Variants in RXRG observed in about 807,000 individuals in gnomAD.
RXRG encodes the protein retinoic acid receptor RXR-gamma.
A neutral mutation model predicts 49.2 loss-of-function variants in RXRG; 19 were observed. The ratio of observed to expected loss-of-function variants is 0.39; its 90% confidence interval spans 0.27 to 0.57. The LOEUF is 0.57. Ranked by LOEUF, RXRG falls within the 20% of genes least tolerant of loss-of-function variation. RXRG has a pLI of 0.64. For synonymous variants in RXRG, 224 were observed against 216.6 expected (o/e 1.03, Z -0.30); for missense variants, 452 against 592.5 (o/e 0.76, Z 2.46).
intron 4 of RXRG, among the ~76,000 whole-genome samples, chr1:165,416,081 G>A (rs1044260675): frequency 6.6e-6 from 1 of 152,158 alleles, no homozygotes; most frequent in Admixed American, 6.5e-5. Context: ...GGGACACAAA[G>A]AGCCCCTCTT....
At chr1:165,417,479 G>A (rs1001532368) in intron 3 of RXRG, among the ~76,000 whole-genome samples, 1 of 152,048 alleles carries the variant, frequency 6.6e-6, no homozygotes, top group African/African-American at 2.4e-5. Flanking sequence ...TAAAGCTAAG[G>A]CTTTCTTTAT....
At chr1:165,408,353 C>T (rs763948172) in intron 7 of RXRG, 35 bp from the exon 8 acceptor site, 42 of 1,476,302 alleles carry the variant, frequency 2.8e-5, no homozygotes, top group Admixed American at 1.3e-4. Flanking sequence ...ATGAGAAAAC[C>T]GTAAGTAACA....
chr1:165,411,239 T>C lies in RXRG; in HGVS notation c.623-130A>G, dbSNP rs1259265629. On this transcript the variant is annotated intron_variant, in intron 4 of 9. Coordinates refer to ENST00000359842, the MANE Select transcript of RXRG (RefSeq NM_006917.5). Reference sequence around the variant, plus strand: ...TCATTATGATCCTGAATTGGGGATGTTGGAATGTTGACAGATGAAACAAGG... The same window carrying C: ...TCATTATGATCCTGAATTGGGGATGCTGGAATGTTGACAGATGAAACAAGG... The C allele has an allele frequency of 9.5e-6, 9 of 950,932 alleles. No homozygotes were observed. In the African/African-American group the frequency reaches 1.3e-4, roughly 14 times the overall value. 58.9% of individuals were successfully genotyped at this position (950,932 alleles called of 1,614,324 possible). A position where few individuals can be genotyped will look rare whatever the true frequency, so the allele number is the denominator to read the frequency against.
rs1659113716 is a variant in RXRG at position 165,444,927 on chromosome 1, A to G, written c.-34T>C. ...GTCAGTTCATGTTCCTCTCCTGTGCAGCTTCTAAATATTACCGCCTCTCTC... is the reference window on the plus strand; with the variant it reads ...GTCAGTTCATGTTCCTCTCCTGTGCGGCTTCTAAATATTACCGCCTCTCTC... On this transcript the variant is annotated 5_prime_UTR_variant, in exon 1 of 10. Coordinates refer to ENST00000359842, the MANE Select transcript of RXRG (RefSeq NM_006917.5). 1 of 1,606,408 alleles carries G rather than the reference A, an allele frequency of 6.2e-7. No individual in the cohort carries two copies. Among genetic ancestry groups the G allele is most frequent in the Non-Finnish European group, 8.5e-7 (1 of 1,173,316 alleles).
In RXRG at chr1:165,418,089, T is replaced by G. The variant is rs77791287; in HGVS notation, c.443-869A>C. Among the ~76,000 whole-genome samples, 4 of 120,198 alleles carry G rather than the reference T, an allele frequency of 3.3e-5. No individual in the cohort carries two copies. The East Asian group carries it at 7.3e-4, about 22-fold the overall frequency. 78.9% of individuals were successfully genotyped at this position (120,198 alleles called of 152,430 possible). A position where few individuals can be genotyped will look rare whatever the true frequency, so the allele number is the denominator to read the frequency against. ...TCATGCCCCTGCACTCTAGCCTGAGTGACAGAGCGAGATCCCGTCTCAAAA... is the reference window on the plus strand; with the variant it reads ...TCATGCCCCTGCACTCTAGCCTGAGGGACAGAGCGAGATCCCGTCTCAAAA... On this transcript the variant is annotated intron_variant, in intron 3 of 9. Coordinates refer to ENST00000359842, the MANE Select transcript of RXRG (RefSeq NM_006917.5).
intron 6 of RXRG, 71 bp from the exon 7 acceptor site, chr1:165,409,761 C>T: frequency 1.5e-6 from 2 of 1,310,756 alleles, no homozygotes; most frequent in Non-Finnish European, 9.9e-7. Context: ...TCACCCAAGG[C>T]ATGTACTATT....
At chr1:165,406,533 C>T (rs1295291041) in intron 9 of RXRG, among the ~76,000 whole-genome samples, 1 of 152,140 alleles carries the variant, frequency 6.6e-6, no homozygotes, top group Non-Finnish European at 1.5e-5. Context: ...ATAATAATTC[C>T]CACATTTATT....
intron 1 of RXRG, among the ~76,000 whole-genome samples, chr1:165,429,193 T>A (rs1411857438): frequency 1.3e-5 from 2 of 152,112 alleles, no homozygotes; most frequent in East Asian, 1.9e-4. Flanking sequence ...TAAGCATGGA[T>A]GTTCTCTGGG....
At chr1:165,416,091 T>A (rs1658117670) in intron 4 of RXRG, among the ~76,000 whole-genome samples, 1 of 152,174 alleles carries the variant, frequency 6.6e-6, no homozygotes, top group South Asian at 2.1e-4. Context: ...GAGCCCCTCT[T>A]CATTGACCCT....
rs55637479 is a variant in RXRG at position 165,407,182 on chromosome 1, G to A, written c.1139-265C>T. On this transcript the variant is annotated intron_variant, in intron 8 of 9. Coordinates refer to ENST00000359842, the MANE Select transcript of RXRG (RefSeq NM_006917.5). Reference sequence around the variant, plus strand: ...TAAGGAGGAGAGCTTAATTTTATCCGGACCATTCTCGAAATATTACCTGCA... The same window carrying A: ...TAAGGAGGAGAGCTTAATTTTATCCAGACCATTCTCGAAATATTACCTGCA... 8.3e-4 allele frequency among the ~76,000 whole-genome samples: 126 copies of A among 152,198 alleles called. 1 individual carries two copies. The highest frequency in any genetic ancestry group is 2.5e-3 in the Admixed American group (38 of 15,290).
chr1:165,426,059 C>T (rs904049547), intron 2 of RXRG, among the ~76,000 whole-genome samples: 4 of 152,202 alleles, frequency 2.6e-5, no homozygotes, highest in African/African-American at 9.6e-5. Flanking sequence ...GTCACTTGGG[C>T]TCCCCAAGTC....
rs1280658495 is a variant in RXRG at position 165,428,939 on chromosome 1, G to A, written c.77C>T (p.Ser26Phe). ...GGSPGHTGSTSMSPSAALSTG... is the reference protein window; with the variant it reads ...GGSPGHTGSTFMSPSAALSTG... ...GGACAAGGCTGCTGATGGGCTCATGGATGTAGAGCCAGTGTGGCCAGGGGA... is the reference window on the plus strand; with the variant it reads ...GGACAAGGCTGCTGATGGGCTCATGAATGTAGAGCCAGTGTGGCCAGGGGA... The change falls in exon 2 of 10, where the codon TCC becomes TTC. Residue 26 changes from serine to phenylalanine, a missense_variant. Physicochemically the swap from Ser to Phe is radical, Grantham distance 155 (BLOSUM62 -2). Transcript: ENST00000359842. 1.2e-6 allele frequency: 2 copies of A among 1,613,344 alleles called. No homozygotes were observed. Among genetic ancestry groups the A allele is most frequent in the Non-Finnish European group, 1.7e-6 (2 of 1,179,872 alleles).
rs138979533 is a variant in RXRG at position 165,409,575 on chromosome 1, G to A, written c.1029C>T (p.Val343=). 159 of 1,501,140 alleles carry A rather than the reference G, an allele frequency of 1.1e-4. No homozygotes were observed. Among genetic ancestry groups the A allele is most frequent in the Admixed American group, 5.7e-4 (25 of 44,104 alleles). 93.0% of individuals were successfully genotyped at this position (1,501,140 alleles called of 1,614,324 possible). ...AGAGACACCTGTCAAAGATGGAGCCGACCCCAGCACTGTGGGCACTGCTCC... is the reference window on the plus strand; with the variant it reads ...AGAGACACCTGTCAAAGATGGAGCCAACCCCAGCACTGTGGGCACTGCTCC... ...VHRSSAHSAG[V]GSIFDRVLTE... is the part of the protein sequence containing the mutation. Residue 343 remains valine (V), a synonymous_variant, in exon 7 of 10, where the codon GTC becomes GTT. Coordinates refer to ENST00000359842, the MANE Select transcript of RXRG (RefSeq NM_006917.5).
intron 9 of RXRG, among the ~76,000 whole-genome samples, chr1:165,402,184 A>G (rs186473748): frequency 1.3e-5 from 2 of 152,136 alleles, no homozygotes; most frequent in East Asian, 3.9e-4. Context: ...TTCCGGGTTC[A>G]AGCAATTCTC....
chr1:165,429,850 T>C (rs2101736423), intron 1 of RXRG, among the ~76,000 whole-genome samples: 1 of 152,240 alleles, frequency 6.6e-6, no homozygotes, highest in Admixed American at 6.5e-5. Flanking sequence ...CACATTCCCC[T>C]GTAGTCAGTA....
chr1:165,444,685 G>A (rs570671922), intron 1 of RXRG, among the ~76,000 whole-genome samples, 160 bp downstream of exon 1: 1 of 151,948 alleles, frequency 6.6e-6, no homozygotes, highest in Non-Finnish European at 1.5e-5. Context: ...TCTCATGCAC[G>A]CGTGCACACA....
intron 1 of RXRG, among the ~76,000 whole-genome samples, chr1:165,433,110 C>T (rs1658721178): frequency 1.3e-5 from 2 of 152,240 alleles, no homozygotes; most frequent in Middle Eastern, 3.4e-3. Flanking sequence ...TTTTTCCATA[C>T]CTTTCATCCC....
intron 1 of RXRG, among the ~76,000 whole-genome samples, chr1:165,430,731 T>C (rs1210741578): frequency 6.6e-6 from 1 of 152,264 alleles, no homozygotes; most frequent in African/African-American, 2.4e-5. Flanking sequence ...TTATTATGTG[T>C]CCTCAATAGC....
In RXRG at chr1:165,436,521, A is replaced by G. The variant is rs1377601850; in HGVS notation, c.50-7555T>C. Reference sequence around the variant, plus strand: ...TTGGTATGTACCTTTTTCTTAGAGGAGATTCGCCTGTTCTTAAAGTGTCAG... The same window carrying G: ...TTGGTATGTACCTTTTTCTTAGAGGGGATTCGCCTGTTCTTAAAGTGTCAG... On this transcript the variant is annotated intron_variant, in intron 1 of 9. Transcript: ENST00000359842. Among the ~76,000 whole-genome samples the G allele has an allele frequency of 2.0e-5, 3 of 152,196 alleles. No individual in the cohort carries two copies. The East Asian group carries it at 5.8e-4, about 29-fold the overall frequency.
Sources: gnomAD v4.1 joint callset for allele counts (sites outside exome capture counted in the v4.1 genomes callset) on GRCh38, gnomAD v4.1.1 for gene constraint, MANE v1.5 for transcripts, NCBI Gene and HGNC (gene_info 2026-07-23, HGNC 2026-07-21) for gene names.